The following GABRB3 variants were observed in gnomAD, a reference collection of about 807,000 sequenced individuals.
GABRB3 encodes gamma-aminobutyric acid receptor subunit beta-3.
GABRB3 carries 14 observed loss-of-function variants against 52.1 expected under a neutral mutation model. That is an observed-to-expected ratio of 0.27 (90% CI 0.18 to 0.42). GABRB3 has a LOEUF of 0.42. Among genes scored for constraint, GABRB3 ranks in the 10% least tolerant of loss-of-function variants. GABRB3 has a pLI of 1.00. For missense variants in GABRB3, 307 were observed against 609.1 expected (o/e 0.50, Z 5.22); for synonymous variants, 260 against 232.3 (o/e 1.12, Z -1.08).
chr15:26,712,981 G>A (rs75755066), intron 3 of GABRB3, among the ~76,000 whole-genome samples: 1,984 of 152,340 alleles, frequency 0.013, 47 homozygotes, highest in African/African-American at 0.044. Context: ...GAAGGCAGAC[G>A]GAGGGGCGAG....
intron 3 of GABRB3, among the ~76,000 whole-genome samples, chr15:26,721,871 G>C (rs569134448): frequency 3.4e-4 from 51 of 152,126 alleles, no homozygotes; most frequent in African/African-American, 1.2e-3. Flanking sequence ...CCCAGAGGAT[G>C]TAGTGGCATC....
At chr15:26,729,474 A>G (rs893247276) in intron 3 of GABRB3, among the ~76,000 whole-genome samples, 3 of 152,020 alleles carry the variant, frequency 2.0e-5, no homozygotes. Context: ...ACTGGACAAA[A>G]GCGCCAAGCT....
chr15:26,630,613 C>A (rs1235729953), intron 3 of GABRB3, among the ~76,000 whole-genome samples: 1 of 152,106 alleles, frequency 6.6e-6, no homozygotes, highest in Non-Finnish European at 1.5e-5. Flanking sequence ...AAAAACAGAA[C>A]CTTTCTTTAA....
chr15:26,637,568 C>G (rs1023526260), intron 3 of GABRB3, among the ~76,000 whole-genome samples: 6 of 152,110 alleles, frequency 3.9e-5, no homozygotes, highest in African/African-American at 1.4e-4. Context: ...TTCTGTATAA[C>G]CTGGTTGTTG....
At chr15:26,615,297 T>C (rs1892214206) in intron 4 of GABRB3, 5 of 985,348 alleles carry the variant, frequency 5.1e-6, no homozygotes, top group African/African-American at 3.5e-5. Flanking sequence ...CCAAAGGAAA[T>C]TGTCAAGGAT....
chr15:26,637,346 C>G (rs1338857012), intron 3 of GABRB3, among the ~76,000 whole-genome samples: 6 of 152,210 alleles, frequency 3.9e-5, no homozygotes, highest in African/African-American at 1.4e-4. Context: ...TACACGCTCC[C>G]ATCCTCTTAA....
chr15:26,686,873 T>C (rs1012017513), intron 3 of GABRB3, among the ~76,000 whole-genome samples: 1 of 152,256 alleles, frequency 6.6e-6, no homozygotes, highest in African/African-American at 2.4e-5. Flanking sequence ...TAGAGTGTGA[T>C]GGTTCTCCAC....
chr15:26,554,057 A>ATT (rs1422799131), intron 8 of GABRB3, among the ~76,000 whole-genome samples: 5 of 114,310 alleles, frequency 4.4e-5, no homozygotes, highest in African/African-American at 1.3e-4. Flanking sequence ...ATATTTATTT[A>ATT]TATATAAAGT....
intron 3 of GABRB3, among the ~76,000 whole-genome samples, chr15:26,641,426 G>A (rs1893198268): frequency 6.6e-6 from 1 of 152,228 alleles, no homozygotes; most frequent in Non-Finnish European, 1.5e-5. Flanking sequence ...AGACACTGAA[G>A]GGAGAGGAAA....
intron 3 of GABRB3, chr15:26,624,148 A>C: frequency 1.0e-6 from 1 of 955,894 alleles, no homozygotes; most frequent in Non-Finnish European, 1.2e-6. Flanking sequence ...GGGCTGATGC[A>C]GAACATCAGG....
intron 3 of GABRB3, among the ~76,000 whole-genome samples, chr15:26,758,648 C>G (rs756585552): frequency 6.6e-6 from 1 of 152,132 alleles, no homozygotes; most frequent in Non-Finnish European, 1.5e-5. Flanking sequence ...TCTATACCCA[C>G]CCACCAATTC....
At chr15:26,563,343 A>C (rs535722204) in intron 7 of GABRB3, among the ~76,000 whole-genome samples, 1 of 152,228 alleles carries the variant, frequency 6.6e-6, no homozygotes, top group African/African-American at 2.4e-5. Context: ...CCTAACAATA[A>C]GATTTCACAG....
intron 7 of GABRB3, among the ~76,000 whole-genome samples, chr15:26,562,645 T>A (rs1350327835): frequency 1.3e-5 from 2 of 152,132 alleles, no homozygotes; most frequent in African/African-American, 4.8e-5. Flanking sequence ...TGATTTCCCA[T>A]CCTATCCTGG....
At chr15:26,600,157 T>C (rs1425574473) in intron 4 of GABRB3, among the ~76,000 whole-genome samples, 10 of 151,846 alleles carry the variant, frequency 6.6e-5, no homozygotes, top group Admixed American at 1.3e-4. Flanking sequence ...ATCAGTAAGC[T>C]GGAAGACAAA....
At chr15:26,678,010 T>C (rs1233467604) in intron 3 of GABRB3, among the ~76,000 whole-genome samples, 1 of 151,616 alleles carries the variant, frequency 6.6e-6, no homozygotes, top group Non-Finnish European at 1.5e-5. Flanking sequence ...TGTGTGGGCA[T>C]TTTAGCAATT....
chr15:26,602,364 T>C (rs1174203796), intron 4 of GABRB3, among the ~76,000 whole-genome samples: 2 of 152,018 alleles, frequency 1.3e-5, no homozygotes, highest in African/African-American at 4.8e-5. Context: ...CGATAGAAGA[T>C]CAACAAAGAA....
chr15:26,614,471 C>G (rs1892186129), intron 4 of GABRB3: 2 of 152,138 alleles, frequency 1.3e-5, no homozygotes, highest in Non-Finnish European at 1.5e-5. Context: ...GCAGGCATCA[C>G]AATCCTAAAG....
intron 3 of GABRB3, among the ~76,000 whole-genome samples, chr15:26,736,369 C>T (rs1259539538): frequency 6.6e-6 from 1 of 152,246 alleles, no homozygotes; most frequent in Non-Finnish European, 1.5e-5. Context: ...TATTCAATAA[C>T]ATGATAAAAT....
chr15:26,681,381 T>G (rs1159810879), intron 3 of GABRB3, among the ~76,000 whole-genome samples: 1 of 151,980 alleles, frequency 6.6e-6, no homozygotes, highest in Admixed American at 6.5e-5. Flanking sequence ...TGCCCCCCCG[T>G]ATGGGAAAGG....
Sources: allele counts gnomAD v4.1 joint callset (sites outside exome capture counted in the v4.1 genomes callset), GRCh38; gene constraint gnomAD v4.1.1; transcripts MANE v1.5; gene names NCBI Gene and HGNC (gene_info 2026-07-23, HGNC 2026-07-21).